SLC1A3: variants seen among roughly 807,000 people sequenced by gnomAD.
The protein encoded by SLC1A3 is excitatory amino acid transporter 1.
In SLC1A3, 21 loss-of-function variants were observed where a neutral mutation model predicts 48.1. The observed-to-expected ratio is 0.44, with a 90% CI of 0.31 to 0.63. SLC1A3 has a LOEUF of 0.63. Among genes scored for constraint, SLC1A3 ranks in the 20% least tolerant of loss-of-function variants. The pLI is 0.08. For missense variants in SLC1A3, 546 were observed against 689.0 expected (o/e 0.79, Z 2.32); for synonymous variants, 239 against 251.4 (o/e 0.95, Z 0.47).
At chr5:36,676,852 A>C in intron 5 of SLC1A3, 40 bp from the exon 6 acceptor site, 1 of 1,489,492 alleles carries the variant, frequency 6.7e-7, no homozygotes, top group East Asian at 2.4e-5. Flanking sequence ...GAAAAAAATA[A>C]AAATCACCTT....
At chr5:36,628,587 G>A (rs1483149874) in intron 2 of SLC1A3, among the ~76,000 whole-genome samples, 1 of 152,106 alleles carries the variant, frequency 6.6e-6, no homozygotes, top group Non-Finnish European at 1.5e-5. Context: ...TCTTTGGCAA[G>A]GAAAGTAAAT....
intron 3 of SLC1A3, chr5:36,636,508 T>TTCTTTCTCTTC (rs1561255369): frequency 1.2e-3 from 168 of 139,216 alleles, no homozygotes; most frequent in African/African-American, 4.3e-3. Flanking sequence ...TCTTTCTTTT[T>TTCTTTCTCTTC]CTTTCTTTCT....
At chr5:36,601,653 C>T (rs1203268832), upstream of SLC1A3, among the ~76,000 whole-genome samples, 5 of 152,144 alleles carry the variant, frequency 3.3e-5, no homozygotes, top group African/African-American at 9.7e-5. Context: ...TAAGGAGGTG[C>T]CTCACCCAGG....
intron 2 of SLC1A3, among the ~76,000 whole-genome samples, chr5:36,614,903 T>C (rs1739369340): frequency 6.6e-6 from 1 of 152,188 alleles, no homozygotes. Flanking sequence ...TATCTCTGGA[T>C]TCTATTTTGC....
At chr5:36,609,772 G>A (rs1189015437) in intron 2 of SLC1A3, among the ~76,000 whole-genome samples, 2 of 152,172 alleles carry the variant, frequency 1.3e-5, no homozygotes, top group African/African-American at 4.8e-5. Context: ...AACTGACCCA[G>A]AGAAGTAATG....
At chr5:36,636,045 T>TTGTGTGTGTGTGGGTGTGTGTGTG (rs1740332422) in intron 3 of SLC1A3, 1 of 137,724 alleles carries the variant, frequency 7.3e-6, no homozygotes, top group Admixed American at 7.2e-5. Context: ...AATTAAATGT[T>TTGTGTGTGTGTGGGTGTGTGTGTG]TGTGTGTGTG....
intron 3 of SLC1A3, among the ~76,000 whole-genome samples, chr5:36,648,678 G>A (rs1011746917): frequency 4.6e-5 from 7 of 152,144 alleles, no homozygotes; most frequent in Admixed American, 2.0e-4. Context: ...AAAGTGCAGC[G>A]TCATCAAGAC....
intron 8 of SLC1A3, among the ~76,000 whole-genome samples, chr5:36,681,808 A>C (rs957836909): frequency 1.3e-5 from 2 of 152,246 alleles, no homozygotes; most frequent in South Asian, 2.1e-4. Flanking sequence ...TCTGCTCTTC[A>C]TTGTTGTGGG....
At chr5:36,668,744 T>C (rs1359901196) in intron 3 of SLC1A3, 1 of 152,256 alleles carries the variant, frequency 6.6e-6, no homozygotes, top group Non-Finnish European at 1.5e-5. Context: ...AAGAAAATGT[T>C]TTCATATTGG....
intron 3 of SLC1A3, chr5:36,669,097 G>A (rs1359968560): frequency 1.3e-5 from 2 of 152,270 alleles, no homozygotes; most frequent in East Asian, 1.9e-4. Flanking sequence ...AGAGATATCC[G>A]GCGTATTGTG....
chr5:36,663,687 T>C (rs1464504344), intron 3 of SLC1A3, among the ~76,000 whole-genome samples: 2 of 152,214 alleles, frequency 1.3e-5, no homozygotes, highest in African/African-American at 4.8e-5. Context: ...GGTGTTTTCA[T>C]GTAATGTAAT....
At chr5:36,630,838 G>A (rs1170148314) in intron 3 of SLC1A3, among the ~76,000 whole-genome samples, 4 of 152,170 alleles carry the variant, frequency 2.6e-5, no homozygotes, top group Non-Finnish European at 5.9e-5. Context: ...TTTCACTGGA[G>A]AATGAATTGC....
chr5:36,654,133 C>T lies in SLC1A3; in HGVS notation c.320-16896C>T, dbSNP rs141380345. Among the ~76,000 whole-genome samples, 131 of 152,320 alleles carry T rather than the reference C, an allele frequency of 8.6e-4. No homozygotes were observed. The Middle Eastern group carries it at 0.01, about 12-fold the overall frequency. ...CTGGGATTACAGGTGTGAGCCACCA[C>T]GCCCAGCCTAATGTTTTCTTCCTAA... On this transcript the variant is annotated intron_variant, in intron 3 of 9. Coordinates refer to ENST00000265113, the MANE Select transcript of SLC1A3 (RefSeq NM_004172.5).
chr5:36,648,591 C>G (rs970202730), intron 3 of SLC1A3, among the ~76,000 whole-genome samples: 12 of 152,074 alleles, frequency 7.9e-5, no homozygotes, highest in African/African-American at 2.9e-4. Flanking sequence ...TGTAGGATAA[C>G]CCCCCTGGCC....
Position 36,617,832 on chromosome 5 carries a change from A to G in SLC1A3, c.181+9228A>G, listed in dbSNP as rs150733616. ...CTTCGGTTGTTTCCAGTCTTTAGAC[A>G]TTTTTATTTAAAAACGTTGTAATGA... On this transcript the variant is annotated intron_variant, in intron 2 of 9. Coordinates refer to ENST00000265113, the MANE Select transcript of SLC1A3 (RefSeq NM_004172.5). 2.7e-3 allele frequency among the ~76,000 whole-genome samples: 410 copies of G among 152,314 alleles called. 1 individual carries two copies. The highest frequency in any genetic ancestry group is 4.6e-3 in the Non-Finnish European group (312 of 68,012).
At chr5:36,660,019 T>C (rs1396930976) in intron 3 of SLC1A3, among the ~76,000 whole-genome samples, 2 of 152,220 alleles carry the variant, frequency 1.3e-5, no homozygotes, top group African/African-American at 2.4e-5. Flanking sequence ...TATGTATAGT[T>C]CTTCTATTCC....
At chr5:36,660,604 A>T (rs1192676407) in intron 3 of SLC1A3, among the ~76,000 whole-genome samples, 1 of 152,236 alleles carries the variant, frequency 6.6e-6, no homozygotes, top group Non-Finnish European at 1.5e-5. Context: ...TTACAATGGT[A>T]ACCAGAAACA....
At chr5:36,598,494 G>C (rs1738768923) in intron 1 of SLC1A3, among the ~76,000 whole-genome samples, 1 of 152,150 alleles carries the variant, frequency 6.6e-6, no homozygotes, top group South Asian at 2.1e-4. Context: ...GAATTCATGA[G>C]CCCTACCAAT....
chr5:36,612,066 C>T (rs1326222949), intron 2 of SLC1A3, among the ~76,000 whole-genome samples: 9 of 149,044 alleles, frequency 6.0e-5, no homozygotes, highest in South Asian at 2.2e-4. Context: ...TCTTGGCGCA[C>T]GCGCACACAC....
Sources: gnomAD v4.1 joint callset for allele counts (sites outside exome capture counted in the v4.1 genomes callset) on GRCh38, gnomAD v4.1.1 for gene constraint, MANE v1.5 for transcripts, NCBI Gene and HGNC (gene_info 2026-07-23, HGNC 2026-07-21) for gene names.